The following WWOX variants were observed in gnomAD, a reference collection of about 807,000 sequenced individuals.
WWOX encodes the protein WW domain-containing oxidoreductase.
In WWOX, 69 loss-of-function variants were observed where a neutral mutation model predicts 46.2. The observed-to-expected ratio is 1.49, with a 90% CI of 1.23 to 1.82. The LOEUF (loss-of-function observed/expected upper bound fraction) is 1.82. Ranked by LOEUF, WWOX falls within the 40% of genes most tolerant of loss-of-function variation. The pLI, the probability that WWOX is intolerant of heterozygous loss-of-function variation, is 0.00. For synonymous variants in WWOX, 359 were observed against 202.6 expected, an observed-to-expected ratio of 1.77 and a Z score of -6.56; for missense variants, 919 against 542.6, an observed-to-expected ratio of 1.69 and a Z score of -6.89.
chr16:78,354,106 G>A lies in WWOX; in HGVS notation c.517-32754G>A, dbSNP rs189337098. ...ATGTTTTCCAGAAAGGCTGTTTGCA[G>A]TAGTTCCAGTGGGTTCATCTGTGAA... On this transcript the variant is annotated intron_variant, in intron 5 of 8. Transcript: ENST00000566780. Among the ~76,000 whole-genome samples, 16 of 152,290 alleles carry A rather than the reference G, an allele frequency of 1.1e-4. No homozygotes were observed. In the East Asian group the frequency reaches 2.9e-3, roughly 28 times the overall value.
chr16:78,125,217 G>A (rs764806203), intron 4 of WWOX, among the ~76,000 whole-genome samples: 38 of 152,244 alleles, frequency 2.5e-4, no homozygotes, highest in Non-Finnish European at 3.7e-4. Flanking sequence ...GCTTACAGCT[G>A]TCTTGTGATA....
chr16:79,016,053 C>T (rs2047406044), intron 8 of WWOX: 2 of 152,136 alleles, frequency 1.3e-5, no homozygotes, highest in African/African-American at 4.8e-5. Context: ...CTGGCCTGAT[C>T]CTGACTTAGT....
intron 5 of WWOX, among the ~76,000 whole-genome samples, chr16:78,334,234 C>T (rs928872962): frequency 2.6e-5 from 4 of 152,306 alleles, no homozygotes; most frequent in East Asian, 1.9e-4. Context: ...AACTGCGGCT[C>T]GTACAAAATT....
chr16:78,348,903 G>A (rs1567516018), intron 5 of WWOX, among the ~76,000 whole-genome samples: 1 of 116,440 alleles, frequency 8.6e-6, no homozygotes, highest in South Asian at 2.5e-4. Context: ...GCAACAGAGG[G>A]TCAGAAATCA....
intron 8 of WWOX, chr16:78,891,121 A>C (rs934284071): frequency 6.6e-6 from 1 of 152,116 alleles, no homozygotes; most frequent in African/African-American, 2.4e-5. Flanking sequence ...TTTTTCTCAA[A>C]ACTGAAATTG....
intron 8 of WWOX, among the ~76,000 whole-genome samples, chr16:79,168,201 A>C (rs542886777): frequency 8.5e-5 from 13 of 152,260 alleles, no homozygotes; most frequent in African/African-American, 2.9e-4. Context: ...TTTGTATACA[A>C]GTTTCTGTGT....
intron 8 of WWOX, among the ~76,000 whole-genome samples, chr16:78,871,093 T>C (rs181663545): frequency 6.6e-6 from 1 of 152,190 alleles, no homozygotes. Context: ...AGCAATTCAG[T>C]AAATACTTGT....
At chr16:79,142,090 C>G (rs141965355) in intron 8 of WWOX, among the ~76,000 whole-genome samples, 1 of 152,300 alleles carries the variant, frequency 6.6e-6, no homozygotes, top group South Asian at 2.1e-4. Context: ...ATCTCCTGCC[C>G]TTACTTCTTC....
chr16:78,572,525 C>G (rs2044741883), intron 8 of WWOX, among the ~76,000 whole-genome samples: 1 of 143,998 alleles, frequency 6.9e-6, no homozygotes, highest in Admixed American at 7.2e-5. Flanking sequence ...ACCTCTTGAG[C>G]CGGGAAGGTC....
chr16:78,677,983 A>G (rs572640439), intron 8 of WWOX, among the ~76,000 whole-genome samples: 3 of 152,324 alleles, frequency 2.0e-5, no homozygotes, highest in African/African-American at 7.2e-5. Context: ...ACTGTTTAAA[A>G]TAGCAAATTT....
intron 8 of WWOX, chr16:79,017,532 T>A (rs1255093037): frequency 6.8e-6 from 1 of 146,418 alleles, no homozygotes; most frequent in African/African-American, 2.5e-5. Context: ...CCAGAGAGTA[T>A]ATATTTCAGG....
chr16:79,165,150 GAA>G (rs5818206), intron 8 of WWOX, among the ~76,000 whole-genome samples: 9,934 of 136,510 alleles, frequency 0.073, 700 homozygotes, highest in African/African-American at 0.19. Flanking sequence ...TAAAACGAAG[GAA>G]AAAAAAAAAA....
At chr16:78,106,388 T>C (rs1479624233) in intron 1 of WWOX, among the ~76,000 whole-genome samples, 3 of 150,306 alleles carry the variant, frequency 2.0e-5, no homozygotes, top group African/African-American at 7.3e-5. Flanking sequence ...TTATCCTTAC[T>C]AGAGAGCCAG....
intron 8 of WWOX, among the ~76,000 whole-genome samples, chr16:78,849,126 C>T (rs1402569596): frequency 6.6e-6 from 1 of 152,160 alleles, no homozygotes; most frequent in African/African-American, 2.4e-5. Flanking sequence ...TATACAGTAA[C>T]TCAACATTAA....
At position 78,222,799 on chromosome 16, in the gene WWOX, A is replaced by G. The variant is rs542790830; in HGVS notation, c.516+58510A>G. ...AAATGTAGTGACATCTATTTCAAGT[A>G]TTTCAGTTTTATGGTGCTGAAGAAG... On this transcript the variant is annotated intron_variant, in intron 5 of 8. Transcript: ENST00000566780. Among the ~76,000 whole-genome samples, 159 of 152,348 alleles carry G rather than the reference A, an allele frequency of 1.0e-3. 1 individual carries two copies. The highest frequency in any genetic ancestry group is 1.9e-3 in the Non-Finnish European group (131 of 68,038).
chr16:79,167,896 C>T (rs747384732), intron 8 of WWOX, among the ~76,000 whole-genome samples: 1 of 152,084 alleles, frequency 6.6e-6, no homozygotes, highest in Non-Finnish European at 1.5e-5. Flanking sequence ...TCATCACTGC[C>T]CCATTCCCTT....
chr16:78,963,930 T>G (rs1246018286), intron 8 of WWOX, among the ~76,000 whole-genome samples: 1 of 152,214 alleles, frequency 6.6e-6, no homozygotes, highest in African/African-American at 2.4e-5. Context: ...TGAATAAGTT[T>G]CATAAGATCC....
At position 78,894,449 on chromosome 16, in the gene WWOX, T is replaced by C. The variant is rs73581207; in HGVS notation, c.1057-317159T>C. Among the ~76,000 whole-genome samples, 311 of 152,310 alleles carry C rather than the reference T, an allele frequency of 2.0e-3. 2 individuals carry two copies. Among genetic ancestry groups the C allele is most frequent in the African/African-American group, 7.3e-3 (303 of 41,576 alleles). Reference sequence around the variant, plus strand: ...TCATAAAGTCCTAGACTATTTTTTGTCTAAATTATTGTTTGTAGTCAGCCT... The same window carrying C: ...TCATAAAGTCCTAGACTATTTTTTGCCTAAATTATTGTTTGTAGTCAGCCT... On this transcript the variant is annotated intron_variant, in intron 8 of 8. Transcript: ENST00000566780.
chr16:78,440,922 G>A (rs2151394979), intron 8 of WWOX, among the ~76,000 whole-genome samples: 1 of 152,122 alleles, frequency 6.6e-6, no homozygotes, highest in South Asian at 2.1e-4. Flanking sequence ...TGCCTGGCCT[G>A]TAGTTTCTTT....
Sources: gnomAD v4.1 joint callset for allele counts (sites outside exome capture counted in the v4.1 genomes callset) on GRCh38, gnomAD v4.1.1 for gene constraint, MANE v1.5 for transcripts, NCBI Gene and HGNC (gene_info 2026-07-23, HGNC 2026-07-21) for gene names.